Variants in GUCY1A2 observed in about 807,000 individuals in gnomAD.
The protein encoded by GUCY1A2 is guanylate cyclase 1 soluble subunit alpha 2.
A neutral mutation model predicts 63.5 loss-of-function variants in GUCY1A2; 27 were observed. The observed-to-expected ratio is 0.43, with a 90% confidence interval of 0.31 to 0.59. The LOEUF (loss-of-function observed/expected upper bound fraction) is 0.59, where lower values mean the gene tolerates loss of function less well. Among genes scored for constraint, GUCY1A2 ranks in the 20% least tolerant of loss-of-function variants. The pLI is 0.11. For synonymous variants in GUCY1A2, 364 were observed against 343.5 expected (o/e 1.06, Z -0.66); for missense variants, 768 against 913.3 (o/e 0.84, Z 2.05).
At chr11:106,798,396 C>A (rs1032726322) in intron 5 of GUCY1A2, among the ~76,000 whole-genome samples, 13 of 152,128 alleles carry the variant, frequency 8.5e-5, no homozygotes, top group Non-Finnish European at 1.5e-5. Flanking sequence ...AAGAGGGAAT[C>A]CTCCCTAACT....
chr11:106,727,641 T>C (rs914650761), intron 6 of GUCY1A2, among the ~76,000 whole-genome samples: 2 of 152,100 alleles, frequency 1.3e-5, no homozygotes, highest in South Asian at 4.1e-4. Context: ...TACACATTTA[T>C]GGAAAAAAAA....
intron 4 of GUCY1A2, among the ~76,000 whole-genome samples, chr11:106,924,724 G>A (rs1346993878): frequency 1.3e-5 from 2 of 152,058 alleles, no homozygotes; most frequent in East Asian, 3.9e-4. Flanking sequence ...ACACATCATC[G>A]CCCAGCTTGG....
intron 4 of GUCY1A2, among the ~76,000 whole-genome samples, chr11:106,894,305 A>C (rs1860016302): frequency 6.6e-6 from 1 of 152,226 alleles, no homozygotes; most frequent in South Asian, 2.1e-4. Context: ...CACATGAGAC[A>C]AAAACTGATA....
At chr11:106,815,708 A>C (rs535386903) in intron 4 of GUCY1A2, among the ~76,000 whole-genome samples, 1 of 152,158 alleles carries the variant, frequency 6.6e-6, no homozygotes, top group African/African-American at 2.4e-5. Flanking sequence ...AATATTATAC[A>C]TTCTGATACT....
At chr11:106,919,539 A>C (rs2119895568) in intron 4 of GUCY1A2, among the ~76,000 whole-genome samples, 1 of 152,258 alleles carries the variant, frequency 6.6e-6, no homozygotes, top group Non-Finnish European at 1.5e-5. Context: ...AAGCTGGAAA[A>C]AAATTGGCAT....
intron 3 of GUCY1A2, among the ~76,000 whole-genome samples, chr11:106,954,267 T>A (rs1021362021): frequency 6.6e-6 from 1 of 152,200 alleles, no homozygotes; most frequent in African/African-American, 2.4e-5. Flanking sequence ...TTTCATTATT[T>A]ACCCGGGAGT....
intron 4 of GUCY1A2, among the ~76,000 whole-genome samples, chr11:106,885,188 T>A (rs1859881936): frequency 6.6e-6 from 1 of 152,166 alleles, no homozygotes; most frequent in Non-Finnish European, 1.5e-5. Flanking sequence ...AGGGCTCTGT[T>A]TTTACAAAGC....
chr11:106,826,418 T>C (rs1218290810), intron 4 of GUCY1A2: 21 of 1,561,912 alleles, frequency 1.3e-5, no homozygotes, highest in Non-Finnish European at 1.9e-5. Context: ...TCTATATCAA[T>C]ATTTGGATCT....
chr11:106,939,545 G>A lies in GUCY1A2; in HGVS notation c.1121C>T (p.Thr374Ile). Residue 374 changes from threonine to isoleucine, a missense_variant, in exon 4 of 8, where the codon ACC (threonine) becomes ATC (isoleucine). Transcript: ENST00000526355. ...FEIVSPKVNA[T>I]FERVLLRLST... ...CAGTCGCAGCAGGACCCTTTCAAAG[G>A]TGGCATTAACCTTTGGAGATACAAT... 1 of 1,613,902 alleles carries A rather than the reference G, an allele frequency of 6.2e-7. No homozygotes were observed. The highest frequency in any genetic ancestry group is 8.5e-7 in the Non-Finnish European group (1 of 1,179,792).
chr11:106,687,799 A>T (rs994718601), intron 7 of GUCY1A2, 43 bp from the exon 8 acceptor site: 17 of 1,306,808 alleles, frequency 1.3e-5, no homozygotes, highest in Admixed American at 3.4e-5. Context: ...TAGGCCAGGG[A>T]AATGTAAATA....
At chr11:107,016,834 G>C (rs759851650) in intron 1 of GUCY1A2, among the ~76,000 whole-genome samples, 1 of 152,064 alleles carries the variant, frequency 6.6e-6, no homozygotes, top group Non-Finnish European at 1.5e-5. Flanking sequence ...ATGTGAGAGA[G>C]AAAGCACTAG....
intron 6 of GUCY1A2, among the ~76,000 whole-genome samples, chr11:106,746,278 A>C (rs955283229): frequency 2.6e-5 from 4 of 152,020 alleles, no homozygotes; most frequent in Admixed American, 2.6e-4. Flanking sequence ...AAGTGTCTTC[A>C]TTTTTCTTGG....
chr11:106,995,299 A>G (rs1273388174), intron 1 of GUCY1A2, among the ~76,000 whole-genome samples: 1 of 152,008 alleles, frequency 6.6e-6, no homozygotes, highest in Non-Finnish European at 1.5e-5. Flanking sequence ...CAGAAGTATT[A>G]CCCCGGTTTT....
rs1306403390 is a variant in GUCY1A2 at position 106,675,247 on chromosome 11, G to A, written c.*12302C>T. 1.5e-5 allele frequency: 3 copies of A among 196,310 alleles called. No individual in the cohort carries two copies. The highest frequency in any genetic ancestry group is 7.8e-5 in the East Asian group (1 of 12,808). The allele number at this position is 196,310 out of a possible 1,614,324, so 12.2% of individuals were successfully genotyped here. On this transcript the variant is annotated 3_prime_UTR_variant, in exon 8 of 8. Transcript: ENST00000526355. ...GCAGCTGTTATAAAACTTCTTTTTC[G>A]AAGGCAAAATTCTCAGGAGGACTTT...
chr11:106,908,417 T>C (rs1322448924), intron 4 of GUCY1A2, among the ~76,000 whole-genome samples: 1 of 152,044 alleles, frequency 6.6e-6, no homozygotes, highest in African/African-American at 2.4e-5. Context: ...GGCACAATAA[T>C]ATTTATGTAA....
chr11:106,939,974 G>A lies in GUCY1A2; in HGVS notation c.692C>T (p.Pro231Leu). Residue 231 changes from proline (P) to leucine (L), a missense_variant, in exon 4 of 8, where the codon CCT becomes CTT. By Grantham distance (98) the Pro-to-Leu change is moderately conservative (BLOSUM62 -3). Transcript: ENST00000526355. ...ESPSFLCKEL[P>L]EGTLMLHYFH... ...GTAGTGGAGCATGAGAGTACCTTCA[G>A]GGAGCTCTTTGCATAGGAAAGATGG... The A allele has an allele frequency of 6.2e-7, 1 of 1,613,906 alleles. No homozygotes were observed. Among genetic ancestry groups the A allele is most frequent in the Non-Finnish European group, 8.5e-7 (1 of 1,179,838 alleles).
chr11:106,900,753 A>G (rs908826875), intron 4 of GUCY1A2, among the ~76,000 whole-genome samples: 11 of 152,222 alleles, frequency 7.2e-5, no homozygotes, highest in Non-Finnish European at 1.3e-4. Flanking sequence ...TTATGTTTAC[A>G]CTATACTGTA....
chr11:106,984,873 C>G (rs552282581), intron 2 of GUCY1A2, among the ~76,000 whole-genome samples: 17 of 152,284 alleles, frequency 1.1e-4, no homozygotes, highest in African/African-American at 4.1e-4. Context: ...CTAATGGCCT[C>G]AAACTAAAAG....
chr11:106,914,404 C>T (rs1313466622), intron 4 of GUCY1A2, among the ~76,000 whole-genome samples: 1 of 152,090 alleles, frequency 6.6e-6, no homozygotes, highest in South Asian at 2.1e-4. Flanking sequence ...ATGCCATCAA[C>T]AAATGGTGAT....
Sources: allele counts gnomAD v4.1 joint callset (sites outside exome capture counted in the v4.1 genomes callset), GRCh38; gene constraint gnomAD v4.1.1; transcripts MANE v1.5; gene names NCBI Gene and HGNC (gene_info 2026-07-23, HGNC 2026-07-21).